The following TDRD9 variants were observed in gnomAD, a reference collection of about 807,000 sequenced individuals.
The protein encoded by TDRD9 is ATP-dependent RNA helicase TDRD9.
TDRD9 carries 124 observed loss-of-function variants against 172.6 expected under a neutral mutation model. That is an observed-to-expected ratio of 0.72 (90% CI 0.62 to 0.83). TDRD9 has a LOEUF of 0.83. Among genes scored for constraint, TDRD9 ranks in the 40% least tolerant of loss-of-function variants. TDRD9 has a pLI of 0.00. For missense variants in TDRD9, 1,479 were observed against 1,714.1 expected, an observed-to-expected ratio of 0.86 and a Z score of 2.42; for synonymous variants, 619 against 617.1, an observed-to-expected ratio of 1.00 and a Z score of -0.05.
intron 19 of TDRD9, among the ~76,000 whole-genome samples, chr14:104,008,152 TAATC>T (rs2034504291): frequency 6.6e-6 from 1 of 152,214 alleles, no homozygotes; most frequent in Non-Finnish European, 1.5e-5. Context: ...TTTTTCAAGA[TAATC>T]AAGTTATGTC....
In TDRD9 at chr14:103,975,403, G is replaced by T. The variant is rs895475142; in HGVS notation, c.861G>T (p.Ser287=). The change falls in exon 7 of 36, where the codon TCG becomes TCT. Residue 287 remains serine, a synonymous_variant. Coordinates refer to ENST00000409874, the MANE Select transcript of TDRD9 (RefSeq NM_153046.3). ...NSRFVKVVLM[S]ATISCKEFAD... is the part of the protein sequence containing the mutation. The stretch of plus-strand genomic sequence containing the variant: ...TTACTCTGTAGGTGGTCCTGATGTC[G>T]GCTACCATCAGCTGTAAAGAGTTTG... The T allele has an allele frequency of 3.1e-6, 5 of 1,612,432 alleles. No homozygotes were observed. In the African/African-American group the frequency reaches 5.3e-5, roughly 17 times the overall value.
chr14:103,998,837 G>T, intron 13 of TDRD9, 109 bp downstream of exon 13: 1 of 614,726 alleles, frequency 1.6e-6, no homozygotes, highest in African/African-American at 1.9e-5. Flanking sequence ...CTGTCGCCCA[G>T]GCTGGAAGGC....
chr14:103,966,810 C>T lies in TDRD9; in HGVS notation c.744C>T (p.Phe248=). Residue 248 remains phenylalanine, a synonymous_variant, in exon 5 of 36, where the codon TTC becomes TTT. Transcript: ENST00000409874. ...KIVSAKSLME[F]THIIIDEVHE... Reference sequence around the variant, plus strand: ...TTAGTGCCAAGAGTTTGATGGAATTCACACATATCATCATTGATGAAGTAA... The same window carrying T: ...TTAGTGCCAAGAGTTTGATGGAATTTACACATATCATCATTGATGAAGTAA... 3 of 1,550,506 alleles carry T rather than the reference C, an allele frequency of 1.9e-6. No homozygotes were observed. The highest frequency in any genetic ancestry group is 1.7e-6 in the Non-Finnish European group (2 of 1,146,486).
rs1349084904 is a variant in TDRD9 at position 103,966,846 on chromosome 14, C to G, written c.765+15C>G. 1 of 1,546,450 alleles carries G rather than the reference C, an allele frequency of 6.5e-7. No individual in the cohort carries two copies. The highest frequency in any genetic ancestry group is 1.4e-5 in the African/African-American group (1 of 72,880). On this transcript the variant is annotated intron_variant, in intron 5 of 35. Transcript: ENST00000409874. ...TCATTGATGAAGTAAGTGATGTCAT[C>G]TACTTGTAAAGGTCATATTTATCTC...
chr14:103,941,800 A>AC, intron 1 of TDRD9: 1 of 833,312 alleles, frequency 1.2e-6, no homozygotes, highest in East Asian at 2.7e-5. Context: ...AAAGTGCACG[A>AC]TTTTTTTTCA....
chr14:104,026,983 A>G, intron 28 of TDRD9, 44 bp downstream of exon 28: 1 of 1,593,066 alleles, frequency 6.3e-7, no homozygotes, highest in Non-Finnish European at 8.6e-7. Flanking sequence ...TGTGTGAGAG[A>G]GAACGGGGCA....
chr14:103,932,543 A>C (rs1428345408), intron 1 of TDRD9, among the ~76,000 whole-genome samples: 4 of 152,084 alleles, frequency 2.6e-5, no homozygotes, highest in Non-Finnish European at 5.9e-5. Flanking sequence ...GCCCGCCACC[A>C]CAGCCGGCTA....
rs145467279 is a variant in TDRD9 at position 104,042,942 on chromosome 14, A to G, written c.3974+755A>G. On this transcript the variant is annotated intron_variant, in intron 34 of 35. Transcript: ENST00000409874. ...TTTAATAAGCATTTTTTAAAAAGCTATATATAGCTGTCTTAGAAATGGTGA... is the reference window on the plus strand; with the variant it reads ...TTTAATAAGCATTTTTTAAAAAGCTGTATATAGCTGTCTTAGAAATGGTGA... 1.7e-3 allele frequency among the ~76,000 whole-genome samples: 253 copies of G among 152,270 alleles called. 3 individuals are homozygous for G. The East Asian group carries it at 0.026, about 16-fold the overall frequency.
rs143367834 is a variant in TDRD9 at position 104,014,791 on chromosome 14, C to T, written c.2173C>T (p.Arg725Ter). The T allele has an allele frequency of 1.8e-5, 29 of 1,612,018 alleles. No homozygotes were observed. Among genetic ancestry groups the T allele is most frequent in the African/African-American group, 2.7e-5 (2 of 75,008 alleles). Reference sequence around the variant, plus strand: ...GTTCAACATGCATGTTGATTCTCGGCGACCTGTCATGGACCAAGAGTATAT... The same window carrying T: ...GTTCAACATGCATGTTGATTCTCGGTGACCTGTCATGGACCAAGAGTATAT... ...SQFNMHVDSR[R>*]PVMDQEYIYK... is the part of the protein sequence containing the mutation. Residue 725 changes from arginine to a stop codon, truncating the protein, a stop_gained, in exon 21 of 36, where the codon CGA becomes TGA. Transcript: ENST00000409874. LOFTEE classifies it high-confidence loss of function.
rs772786997 is a variant in TDRD9, at chr14:104,024,586, A to G, written c.2624A>G (p.Gln875Arg). 6.2e-6 allele frequency: 10 copies of G among 1,607,308 alleles called. No individual in the cohort carries two copies. The highest frequency in any genetic ancestry group is 8.5e-6 in the Non-Finnish European group (10 of 1,176,950). Residue 875 changes from glutamine to arginine, a missense_variant, in exon 25 of 36, where the codon CAG becomes CGG. Coordinates refer to ENST00000409874, the MANE Select transcript of TDRD9 (RefSeq NM_153046.3). ...LRNTRVNVDF[Q>R]KQTVDPMQVS... ...TTATGTAGGGTGAATGTGGACTTCC[A>G]GAAGCAGACGGTAGATCCTATGCAA... is the stretch of plus-strand genomic sequence containing the variant.
intron 17 of TDRD9, 23 bp downstream of exon 17, chr14:104,006,732 A>G (rs200737191): frequency 4.3e-6 from 7 of 1,613,594 alleles, no homozygotes; most frequent in Middle Eastern, 3.3e-4. Context: ...CATATTTTAA[A>G]GTGTCACTGT....
In TDRD9 at chr14:104,006,861, T is replaced by C. The variant is rs765169481; in HGVS notation, c.2007+16T>C. The C allele has an allele frequency of 1.1e-5, 18 of 1,604,152 alleles. No homozygotes were observed. The highest frequency in any genetic ancestry group is 6.7e-5 in the African/African-American group (5 of 74,826). The stretch of plus-strand genomic sequence containing the variant: ...GGCATTTAAAGTAAGTTTTCTGTTG[T>C]GTAAACCATGAAAGCAGCTACCACA... On this transcript the variant is annotated intron_variant, in intron 18 of 35. Coordinates refer to ENST00000409874, the MANE Select transcript of TDRD9 (RefSeq NM_153046.3).
chr14:104,021,693 A>G (rs1199369109), intron 23 of TDRD9, among the ~76,000 whole-genome samples: 1 of 152,138 alleles, frequency 6.6e-6, no homozygotes, highest in Non-Finnish European at 1.5e-5. Flanking sequence ...TCAAAAAAAT[A>G]AATAAATAAA....
chr14:104,020,470 AG>A (rs775265117), intron 23 of TDRD9, among the ~76,000 whole-genome samples: 1 of 152,220 alleles, frequency 6.6e-6, no homozygotes, highest in East Asian at 1.9e-4. Flanking sequence ...TGCAGCTTCG[AG>A]GAGAAGACGC....
chr14:104,036,901 A>C (rs1301546719), intron 32 of TDRD9, among the ~76,000 whole-genome samples: 8 of 152,180 alleles, frequency 5.3e-5, no homozygotes, highest in Non-Finnish European at 1.2e-4. Flanking sequence ...GAAAGGTAGC[A>C]GGGGGGCCTG....
chr14:103,971,288 CTGTT>C (rs35491518), intron 6 of TDRD9, among the ~76,000 whole-genome samples: 36,614 of 151,186 alleles, frequency 0.24, 4,941 homozygotes, highest in South Asian at 0.43. Context: ...TGGCCCAGGG[CTGTT>C]TGTTTGTTTG....
At chr14:104,047,357 A>G (rs569893893) in intron 34 of TDRD9, among the ~76,000 whole-genome samples, 3 of 152,176 alleles carry the variant, frequency 2.0e-5, no homozygotes, top group East Asian at 3.9e-4. Context: ...TCTGTATTCT[A>G]GTAGTTGTTT....
Position 104,035,012 on chromosome 14 carries a change from C to G in TDRD9, c.3672C>G (p.Leu1224=). ...CTCTGATGCCTCATATCCCTGGCCT[C>G]CCGGCTCTCCTCAGCATGTTATTCG... ...ETSLMPHIPG[L]PALLSMLFAP... Residue 1224 remains leucine (L), a synonymous_variant, in exon 32 of 36, where the codon CTC becomes CTG. Coordinates refer to ENST00000409874, the MANE Select transcript of TDRD9 (RefSeq NM_153046.3). The G allele has an allele frequency of 1.3e-6, 2 of 1,551,816 alleles. No homozygotes were observed. Among genetic ancestry groups the G allele is most frequent in the South Asian group, 2.4e-5 (2 of 84,052 alleles).
At chr14:104,016,806 C>T (rs530934538) in intron 22 of TDRD9, among the ~76,000 whole-genome samples, 11 of 152,258 alleles carry the variant, frequency 7.2e-5, no homozygotes, top group East Asian at 1.9e-4. Flanking sequence ...GAAGTTCCTT[C>T]GTGTCATATC....
Sources: allele counts gnomAD v4.1 joint callset (sites outside exome capture counted in the v4.1 genomes callset), GRCh38; gene constraint gnomAD v4.1.1; transcripts MANE v1.5; gene names NCBI Gene and HGNC (gene_info 2026-07-23, HGNC 2026-07-21).